Variants in ATXN7 observed in about 807,000 individuals in gnomAD.
The protein encoded by ATXN7 is ataxin 7, also known as ataxin-7.
A neutral mutation model predicts 70.5 loss-of-function variants in ATXN7; 12 were observed. That is an observed-to-expected ratio of 0.17 (90% CI 0.11 to 0.28). The LOEUF is 0.28. Among genes scored for constraint, ATXN7 ranks in the 10% least tolerant of loss-of-function variants. The probability of loss-of-function intolerance (pLI) is 1.00; values close to 1 mark genes in which losing one functional copy is unlikely to be tolerated. For synonymous variants in ATXN7, 498 were observed against 448.7 expected, an observed-to-expected ratio of 1.11 and a Z score of -1.39; for missense variants, 1,256 against 1,131.7, an observed-to-expected ratio of 1.11 and a Z score of -1.58.
chr3:63,886,764 T>A (rs2107235488), intron 1 of ATXN7, among the ~76,000 whole-genome samples: 1 of 152,328 alleles, frequency 6.6e-6, no homozygotes, highest in South Asian at 2.1e-4. Context: ...GTAGGGAGCC[T>A]GAGGTAAATA....
At chr3:63,915,796 C>T (rs1323925211) in intron 4 of ATXN7, among the ~76,000 whole-genome samples, 10 of 151,806 alleles carry the variant, frequency 6.6e-5, no homozygotes, top group Non-Finnish European at 1.3e-4. Context: ...ATTCTCTGGA[C>T]TCATCCTCCC....
intron 4 of ATXN7, among the ~76,000 whole-genome samples, chr3:63,934,045 CT>C (rs2074612303): frequency 6.6e-6 from 1 of 152,072 alleles, no homozygotes; most frequent in African/African-American, 2.4e-5. Context: ...TAAAAAGCTA[CT>C]TATGTTCATC....
intron 8 of ATXN7, among the ~76,000 whole-genome samples, chr3:63,985,833 C>G (rs894995675): frequency 6.6e-6 from 1 of 152,170 alleles, no homozygotes; most frequent in African/African-American, 2.4e-5. Context: ...TGAGCACAGG[C>G]CTCACTCTTT....
At chr3:63,926,667 C>T (rs1266792428) in intron 4 of ATXN7, among the ~76,000 whole-genome samples, 2 of 152,158 alleles carry the variant, frequency 1.3e-5, no homozygotes, top group Admixed American at 6.5e-5. Context: ...TTTCCCACTC[C>T]TCAGTTCTTG....
chr3:63,990,652 T>G (rs2075655610), intron 10 of ATXN7, 86 bp from the exon 11 acceptor site: 23 of 1,597,624 alleles, frequency 1.4e-5, no homozygotes, highest in Middle Eastern at 2.0e-4. Context: ...CTTTCCTGAT[T>G]AGCTCCTTTC....
intron 5 of ATXN7, among the ~76,000 whole-genome samples, chr3:63,979,695 T>C (rs2075453709): frequency 6.6e-6 from 1 of 152,152 alleles, no homozygotes; most frequent in Non-Finnish European, 1.5e-5. Flanking sequence ...TAAAACTCTT[T>C]ATGCTGAGAT....
chr3:63,938,232 A>T (rs1291660125), intron 4 of ATXN7, among the ~76,000 whole-genome samples: 1 of 152,202 alleles, frequency 6.6e-6, no homozygotes, highest in African/African-American at 2.4e-5. Flanking sequence ...TGAAGAAGTA[A>T]AACTGAGATA....
intron 2 of ATXN7, among the ~76,000 whole-genome samples, chr3:63,908,631 T>C (rs745696158): frequency 6.6e-6 from 1 of 152,258 alleles, no homozygotes; most frequent in Non-Finnish European, 1.5e-5. Flanking sequence ...TTTTTTCCAA[T>C]TGAAGACGGT....
At chr3:63,973,727 T>A (rs1212087534) in intron 5 of ATXN7, among the ~76,000 whole-genome samples, 3 of 151,784 alleles carry the variant, frequency 2.0e-5, no homozygotes, top group Non-Finnish European at 4.4e-5. Context: ...GGAGAAGAAT[T>A]TTATTGAGCA....
At chr3:63,993,378 A>T (rs1380937443) in intron 11 of ATXN7, among the ~76,000 whole-genome samples, 1 of 144,728 alleles carries the variant, frequency 6.9e-6, no homozygotes, top group East Asian at 2.1e-4. Context: ...TGAACCCGGG[A>T]GGCAGAGCTT....
Position 63,912,813 on chromosome 3 carries a change from C to T in ATXN7, c.215C>T (p.Ala72Val), listed in dbSNP as rs770527876. 2.6e-6 allele frequency: 4 copies of T among 1,566,112 alleles called. No individual in the cohort carries two copies. The highest frequency in any genetic ancestry group is 2.6e-6 in the Non-Finnish European group (3 of 1,159,312). ...GGGCCCGGCGCCGCCTCCACCTCGG[C>T]CGCCGCAATGGCGACGGTCGGGGAG... ...DGGPGAASTS[A>V]AAMATVGERR... Residue 72 changes from alanine (A) to valine (V), a missense_variant, in exon 3 of 13, where the codon GCC (alanine) becomes GTC (valine). Ala to Val is a moderately conservative substitution (Grantham distance 64). Transcript: ENST00000674280.
At chr3:63,998,037 G>T (rs944913573) in intron 12 of ATXN7, 12 of 985,370 alleles carry the variant, frequency 1.2e-5, no homozygotes, top group Non-Finnish European at 1.4e-5. Context: ...AAGACATGGT[G>T]TGCCGATTCT....
chr3:63,987,061 A>G (rs556027942), intron 8 of ATXN7, among the ~76,000 whole-genome samples: 1 of 152,348 alleles, frequency 6.6e-6, no homozygotes, highest in Non-Finnish European at 1.5e-5. Context: ...TGGAATGGTC[A>G]GGTTTAACTT....
chr3:63,928,162 G>T lies in ATXN7; in HGVS notation c.394+14937G>T, dbSNP rs187739208. Among the ~76,000 whole-genome samples, 65 of 152,230 alleles carry T rather than the reference G, an allele frequency of 4.3e-4. No individual in the cohort carries two copies. In the East Asian group the frequency reaches 0.012, roughly 28 times the overall value. On this transcript the variant is annotated intron_variant, in intron 4 of 12. Transcript: ENST00000674280. ...TAAAAATAGCTACTGAAGGCTGAGC[G>T]CAGTGGCTCACGCCTGTAATCCTAG...
intron 4 of ATXN7, among the ~76,000 whole-genome samples, chr3:63,939,168 C>G (rs1207676761): frequency 1.3e-5 from 2 of 152,072 alleles, no homozygotes; most frequent in Admixed American, 6.6e-5. Context: ...ATTCTCAGAC[C>G]TGGCATTCTT....
intron 3 of ATXN7, 78 bp downstream of exon 3, chr3:63,913,001 C>G (rs1324366662): frequency 7.2e-7 from 1 of 1,395,738 alleles, no homozygotes; most frequent in Admixed American, 2.0e-5. Context: ...CTGCCCCCCT[C>G]CTGTGACCCG....
intron 12 of ATXN7, chr3:63,997,839 T>G: frequency 9.1e-6 from 9 of 985,170 alleles, no homozygotes; most frequent in Non-Finnish European, 1.1e-5. Flanking sequence ...TTGGGTGAAT[T>G]AACACCCATT....
chr3:63,949,902 A>G (rs956141166), intron 4 of ATXN7, among the ~76,000 whole-genome samples: 5 of 152,302 alleles, frequency 3.3e-5, no homozygotes, highest in East Asian at 1.9e-4. Context: ...TTGTTTCTCC[A>G]TAAGTAAAAT....
intron 12 of ATXN7, 63 bp from the exon 13 acceptor site, chr3:63,999,387 G>C (rs908346531): frequency 1.5e-6 from 2 of 1,301,906 alleles, no homozygotes; most frequent in Non-Finnish European, 2.2e-6. Flanking sequence ...AGAATCAATA[G>C]AGTGCAGTGT....
Sources: gnomAD v4.1 joint callset for allele counts (sites outside exome capture counted in the v4.1 genomes callset) on GRCh38, gnomAD v4.1.1 for gene constraint, MANE v1.5 for transcripts, NCBI Gene and HGNC (gene_info 2026-07-23, HGNC 2026-07-21) for gene names.